The following SPTBN1 variants were observed in gnomAD, a reference collection of about 807,000 sequenced individuals.
SPTBN1 encodes the protein spectrin beta chain, non-erythrocytic 1.
Under a neutral mutation model 266.4 loss-of-function variants are expected in SPTBN1, and 32 were observed. The ratio of observed to expected loss-of-function variants is 0.12; its 90% CI spans 0.09 to 0.16. The LOEUF (loss-of-function observed/expected upper bound fraction) is 0.16, where lower values mean the gene tolerates loss of function less well. Among genes scored for constraint, SPTBN1 ranks in the 10% least tolerant of loss-of-function variants. The pLI, the probability that SPTBN1 is intolerant of heterozygous loss-of-function variation, is 1.00. For missense variants in SPTBN1, 2,296 were observed against 3,067.1 expected (o/e 0.75, Z 5.94); for synonymous variants, 1,336 against 1,162.2 (o/e 1.15, Z -3.04).
rs529154002 is a variant in SPTBN1 at position 54,646,987 on chromosome 2, G to A, written c.4867-144G>A. 2.5e-6 allele frequency: 3 copies of A among 1,181,652 alleles called. No homozygotes were observed. The highest frequency in any genetic ancestry group is 1.5e-5 in the South Asian group (1 of 64,576). The allele number at this position is 1,181,652 out of a possible 1,614,324, so 73.2% of individuals were successfully genotyped here. A position where few individuals can be genotyped will look rare whatever the true frequency, so the allele number is the denominator to read the frequency against. On this transcript the variant is annotated intron_variant, in intron 23 of 35. Transcript: ENST00000356805. The surrounding 1 kb of genome is among the most constrained non-coding windows in gnomAD (Gnocchi z 4.4). ...ATATGGAAGCTCTTGGAACACTTCT[G>A]TGTTCCACTGTCCGTACTGCACCTC...
At chr2:54,635,556 A>G (rs1572723011) in intron 17 of SPTBN1, among the ~76,000 whole-genome samples, 1 of 152,262 alleles carries the variant, frequency 6.6e-6, no homozygotes, top group East Asian at 1.9e-4. Flanking sequence ...AAATACATTC[A>G]GGATTCTGTA....
chr2:54,529,353 C>T (rs562563783), intron 2 of SPTBN1: 25 of 605,228 alleles, frequency 4.1e-5, no homozygotes, highest in Non-Finnish European at 5.7e-5. Flanking sequence ...AAGATGGCAC[C>T]GAAAGTGAAG....
At chr2:54,661,016 CT>C (rs1681004842) in intron 32 of SPTBN1, 2 of 985,318 alleles carry the variant, frequency 2.0e-6, no homozygotes, top group African/African-American at 3.5e-5. Flanking sequence ...GAACGTTGCA[CT>C]TGGTGGACCG....
intron 1 of SPTBN1, among the ~76,000 whole-genome samples, chr2:54,498,393 T>G (rs1262096561): frequency 6.6e-6 from 1 of 152,198 alleles, no homozygotes; most frequent in East Asian, 1.9e-4. Context: ...CAGCACAGGA[T>G]AGACTTAGAA....
chr2:54,639,481 G>A (rs1314451048), intron 18 of SPTBN1, among the ~76,000 whole-genome samples: 1 of 152,202 alleles, frequency 6.6e-6, no homozygotes, highest in African/African-American at 2.4e-5. Context: ...CCATGGTAAA[G>A]CTCAGTTTAA....
intron 2 of SPTBN1, among the ~76,000 whole-genome samples, chr2:54,529,058 G>T (rs1657551372): frequency 6.6e-6 from 1 of 152,232 alleles, no homozygotes; most frequent in South Asian, 2.1e-4. Context: ...GAACAATTCA[G>T]TAGTGTCTGG....
chr2:54,642,842 T>G (rs554523635), intron 18 of SPTBN1, 141 bp from the exon 19 acceptor site: 6 of 1,035,408 alleles, frequency 5.8e-6, no homozygotes, highest in Non-Finnish European at 8.4e-6. Flanking sequence ...GGGTCAGAGT[T>G]GTGAAGTTAA....
chr2:54,482,105 T>C (rs1264693777), intron 1 of SPTBN1, among the ~76,000 whole-genome samples: 2 of 152,100 alleles, frequency 1.3e-5, no homozygotes, highest in African/African-American at 4.8e-5. Flanking sequence ...TAGTTTTTGG[T>C]GTTTGAAGTG....
At chr2:54,656,165 G>A (rs896265569) in intron 29 of SPTBN1, among the ~76,000 whole-genome samples, 167 bp downstream of exon 29, 3 of 152,164 alleles carry the variant, frequency 2.0e-5, no homozygotes, top group African/African-American at 7.2e-5. Context: ...CTTTTAAGAA[G>A]CTTCCTATGG....
chr2:54,544,680 T>C lies in SPTBN1; in HGVS notation c.148+18114T>C, dbSNP rs562250534. On this transcript the variant is annotated intron_variant, in intron 2 of 35. Transcript: ENST00000356805. Reference sequence around the variant, plus strand: ...CATCAAAAAGATATGGCAATATGAATAAGATATAGAGATATAAAATATATC... The same window carrying C: ...CATCAAAAAGATATGGCAATATGAACAAGATATAGAGATATAAAATATATC... Among the ~76,000 whole-genome samples, 6 of 152,342 alleles carry C rather than the reference T, an allele frequency of 3.9e-5. No homozygotes were observed. The South Asian group carries it at 8.3e-4, about 21-fold the overall frequency.
intron 1 of SPTBN1, among the ~76,000 whole-genome samples, chr2:54,497,908 A>G (rs1445067267): frequency 1.3e-5 from 2 of 152,188 alleles, no homozygotes; most frequent in Non-Finnish European, 2.9e-5. Flanking sequence ...CAGTAACCTC[A>G]CAGCCGGAGA....
In SPTBN1 at chr2:54,508,445, G is replaced by T. The variant is rs185706603; in HGVS notation, c.-47-17927G>T. Among the ~76,000 whole-genome samples, 36 of 152,336 alleles carry T rather than the reference G, an allele frequency of 2.4e-4. 1 individual carries two copies. The East Asian group carries it at 6.9e-3, about 29-fold the overall frequency. On this transcript the variant is annotated intron_variant, in intron 1 of 35. Transcript: ENST00000356805. ...ATTCTTGAGGAGTAGTAGAATAGCA[G>T]ATGGAACACTGAAAAGTGATTTCCT...
intron 2 of SPTBN1, among the ~76,000 whole-genome samples, chr2:54,530,352 A>ATTTTTTTT (rs1558810829): frequency 3.3e-5 from 2 of 60,698 alleles, no homozygotes; most frequent in African/African-American, 5.7e-5. Context: ...ATTGTAAAAA[A>ATTTTTTTT]CTTTTTTTTT....
chr2:54,553,142 T>C (rs1450913128), intron 2 of SPTBN1, among the ~76,000 whole-genome samples: 2 of 152,192 alleles, frequency 1.3e-5, no homozygotes, highest in African/African-American at 4.8e-5. Context: ...GCTTGGTTAG[T>C]TGGTTGAGTT....
chr2:54,616,114 G>GT, intron 4 of SPTBN1, 93 bp from the exon 5 acceptor site: 1 of 1,042,262 alleles, frequency 9.6e-7, no homozygotes, highest in Non-Finnish European at 1.4e-6. Context: ...ATGATCTACA[G>GT]TTTATTCTTT....
At chr2:54,619,287 G>T (rs1340489535) in intron 7 of SPTBN1, among the ~76,000 whole-genome samples, 1 of 152,192 alleles carries the variant, frequency 6.6e-6, no homozygotes, top group Admixed American at 6.5e-5. Flanking sequence ...CCATTAAATG[G>T]TTTCTCAATA....
At chr2:54,595,304 G>T (rs954256132) in intron 2 of SPTBN1, among the ~76,000 whole-genome samples, 3 of 152,150 alleles carry the variant, frequency 2.0e-5, no homozygotes, top group Admixed American at 1.3e-4. Flanking sequence ...AGTAAACTGC[G>T]GGAGGGTGGG....
intron 1 of SPTBN1, among the ~76,000 whole-genome samples, chr2:54,508,991 T>C (rs1669718447): frequency 6.6e-6 from 1 of 152,214 alleles, no homozygotes; most frequent in African/African-American, 2.4e-5. Context: ...GTATAAATAT[T>C]GATGGGTAGT....
chr2:54,528,391 T>G (rs1670962364), intron 2 of SPTBN1: 1 of 152,664 alleles, frequency 6.6e-6, no homozygotes, highest in Non-Finnish European at 1.5e-5. Flanking sequence ...CCAGCTGTCC[T>G]TAGTATCCAT....
Sources: allele counts gnomAD v4.1 joint callset (sites outside exome capture counted in the v4.1 genomes callset), GRCh38; gene constraint gnomAD v4.1.1; non-coding constraint Gnocchi (gnomAD v3.1); transcripts MANE v1.5; gene names NCBI Gene and HGNC (gene_info 2026-07-23, HGNC 2026-07-21).